Variants in GRXCR2 observed in about 807,000 individuals in gnomAD.
The protein encoded by GRXCR2 is glutaredoxin domain-containing cysteine-rich protein 2.
GRXCR2 carries 23 observed loss-of-function variants against 24.8 expected under a neutral mutation model. The ratio of observed to expected loss-of-function variants is 0.93; its 90% CI spans 0.67 to 1.32. The LOEUF (loss-of-function observed/expected upper bound fraction) is 1.32, where lower values mean the gene tolerates loss of function less well. Among genes scored for constraint, GRXCR2 ranks in the 40% most tolerant of loss-of-function variants. The pLI is 0.00. For synonymous variants in GRXCR2, 130 were observed against 116.1 expected (o/e 1.12, Z -0.77); for missense variants, 315 against 303.4 (o/e 1.04, Z -0.28).
chr5:145,889,172 A>AAAG (rs1554105330), intron 2 of GRXCR2, among the ~76,000 whole-genome samples: 2,370 of 83,882 alleles, frequency 0.028, 83 homozygotes, highest in Non-Finnish European at 0.036. Flanking sequence ...CTGTCTCAAA[A>AAAG]AAAGAAAGAA....
chr5:145,893,141 A>G (rs6878091), intron 2 of GRXCR2, among the ~76,000 whole-genome samples: 107,973 of 151,968 alleles, frequency 0.71, 39,328 homozygotes, highest in African/African-American at 0.87. Context: ...AGCACTAAAT[A>G]TGGAAAGGAA....
At chr5:145,860,184 T>C (rs552381996) in intron 2 of GRXCR2, among the ~76,000 whole-genome samples, 1 of 152,334 alleles carries the variant, frequency 6.6e-6, no homozygotes, top group Admixed American at 6.5e-5. Flanking sequence ...CCCTTGTCAC[T>C]ATCTCTGACC....
intron 2 of GRXCR2, among the ~76,000 whole-genome samples, chr5:145,904,899 T>C (rs898936990): frequency 1.3e-5 from 2 of 152,110 alleles, no homozygotes; most frequent in Admixed American, 1.3e-4. Context: ...GCATGGTTCT[T>C]CTCCCCTCCG....
At chr5:145,919,083 G>A (rs181904872) in intron 2 of GRXCR2, among the ~76,000 whole-genome samples, 11 of 152,204 alleles carry the variant, frequency 7.2e-5, no homozygotes, top group South Asian at 2.1e-4. Context: ...CGGTCAAGTC[G>A]GGGCAGACTC....
intron 2 of GRXCR2, among the ~76,000 whole-genome samples, chr5:145,891,152 G>T (rs1300516719): frequency 6.6e-6 from 1 of 152,100 alleles, no homozygotes; most frequent in East Asian, 1.9e-4. Context: ...ACTTAAGGGG[G>T]AGGAGCCAAC....
chr5:145,860,603 A>G (rs1581327358), intron 2 of GRXCR2, among the ~76,000 whole-genome samples: 1 of 152,120 alleles, frequency 6.6e-6, no homozygotes, highest in South Asian at 2.1e-4. Context: ...AAATGTTACA[A>G]TCCTTCAAAG....
intron 2 of GRXCR2, among the ~76,000 whole-genome samples, chr5:145,862,300 C>T (rs143789836): frequency 2.6e-4 from 39 of 152,300 alleles, no homozygotes; most frequent in African/African-American, 8.7e-4. Context: ...AATAAGAACA[C>T]GTCTTCCATC....
At chr5:145,914,416 C>G (rs372150375) in intron 2 of GRXCR2, among the ~76,000 whole-genome samples, 166 of 152,160 alleles carry the variant, frequency 1.1e-3, no homozygotes, top group African/African-American at 3.9e-3. Flanking sequence ...TACCTCACGT[C>G]TGTAATCTCA....
At chr5:145,881,299 A>G (rs912459116) in intron 2 of GRXCR2, among the ~76,000 whole-genome samples, 1 of 152,250 alleles carries the variant, frequency 6.6e-6, no homozygotes, top group African/African-American at 2.4e-5. Context: ...TCAGCCCAAA[A>G]TCTCCTTAAG....
intron 2 of GRXCR2, among the ~76,000 whole-genome samples, chr5:145,929,620 A>G (rs1233724036): frequency 1.3e-5 from 2 of 152,172 alleles, no homozygotes; most frequent in African/African-American, 2.4e-5. Context: ...GATTTTACCA[A>G]TTACTTGGAT....
chr5:145,888,362 A>G (rs892489160), intron 2 of GRXCR2, among the ~76,000 whole-genome samples: 1 of 152,222 alleles, frequency 6.6e-6, no homozygotes, highest in Non-Finnish European at 1.5e-5. Flanking sequence ...CCTTCTCCCA[A>G]GGTGCTCACG....
chr5:145,905,885 CA>C (rs1404671292), intron 2 of GRXCR2, among the ~76,000 whole-genome samples: 1 of 152,098 alleles, frequency 6.6e-6, no homozygotes. Context: ...CCAAGAATAG[CA>C]CATGGTCCAG....
intron 1 of GRXCR2, among the ~76,000 whole-genome samples, chr5:145,871,470 G>A (rs1455298802): frequency 1.3e-5 from 2 of 152,128 alleles, no homozygotes; most frequent in Admixed American, 1.3e-4. Context: ...TGCAAAATGG[G>A]AATGACCATA....
At position 145,859,541 on chromosome 5, in the gene GRXCR2, C is replaced by T; in HGVS notation, c.*192G>A. On this transcript the variant is annotated 3_prime_UTR_variant, in exon 3 of 3. Transcript: ENST00000377976. The stretch of plus-strand genomic sequence containing the variant: ...AGACTATAATTCAGAAATGCCCCTG[C>T]CACTTAGACCCACAGAGAGATGTTA... 1 of 604,646 alleles carries T rather than the reference C, an allele frequency of 1.7e-6. No individual in the cohort carries two copies. The highest frequency in any genetic ancestry group is 3.0e-6 in the Non-Finnish European group (1 of 334,882). 37.5% of individuals were successfully genotyped at this position (604,646 alleles called of 1,614,324 possible).
At chr5:145,867,476 T>C (rs577765175) in intron 1 of GRXCR2, among the ~76,000 whole-genome samples, 2 of 152,342 alleles carry the variant, frequency 1.3e-5, no homozygotes, top group South Asian at 4.1e-4. Context: ...GAAAATCATC[T>C]ATGCCAATAA....
chr5:145,873,862 G>A (rs557982584), upstream of GRXCR2, among the ~76,000 whole-genome samples: 84 of 152,332 alleles, frequency 5.5e-4, no homozygotes, highest in South Asian at 2.3e-3. Context: ...TAGCACAGAA[G>A]CATGTGACCT....
At chr5:145,920,468 G>A (rs1757306763) in intron 2 of GRXCR2, among the ~76,000 whole-genome samples, 1 of 152,156 alleles carries the variant, frequency 6.6e-6, no homozygotes, top group Admixed American at 6.5e-5. Flanking sequence ...AAATTATTGG[G>A]CATTATTGTT....
chr5:145,930,080 A>AT (rs1757459362), intron 2 of GRXCR2, among the ~76,000 whole-genome samples: 2 of 150,420 alleles, frequency 1.3e-5, no homozygotes, highest in African/African-American at 4.9e-5. Flanking sequence ...TTATTTATTT[A>AT]TTATTTAAAA....
chr5:145,889,173 AAAGAAAGAAAGAAAGAAAGAAAG>A (rs1756821875), intron 2 of GRXCR2, among the ~76,000 whole-genome samples: 2 of 39,442 alleles, frequency 5.1e-5, no homozygotes, highest in African/African-American at 2.1e-4. Context: ...TGTCTCAAAA[AAAGAAAGAAAGAAAGAAAGAAAG>A]AAAGAAAGAA....
Sources: gnomAD v4.1 joint callset for allele counts (sites outside exome capture counted in the v4.1 genomes callset) on GRCh38, gnomAD v4.1.1 for gene constraint, MANE v1.5 for transcripts, NCBI Gene and HGNC (gene_info 2026-07-23, HGNC 2026-07-21) for gene names.